The following ARHGAP39 variants were observed in gnomAD, a reference collection of about 807,000 sequenced individuals.
ARHGAP39 encodes rho GTPase-activating protein 39.
Under a neutral mutation model 106.9 loss-of-function variants are expected in ARHGAP39, and 44 were observed. The observed-to-expected ratio is 0.41, with a 90% CI of 0.32 to 0.53. The LOEUF is 0.53. Among genes scored for constraint, ARHGAP39 ranks in the 20% least tolerant of loss-of-function variants. The probability of loss-of-function intolerance (pLI) is 0.21; values close to 1 mark genes in which losing one functional copy is unlikely to be tolerated. For synonymous variants in ARHGAP39, 768 were observed against 693.2 expected (o/e 1.11, Z -1.69); for missense variants, 1,496 against 1,577.3 (o/e 0.95, Z 0.87).
intron 5 of ARHGAP39, 96 bp from the exon 6 acceptor site, chr8:144,545,906 C>T: frequency 9.2e-7 from 1 of 1,092,356 alleles, no homozygotes; most frequent in East Asian, 2.6e-5. Context: ...GAGCTGGGGC[C>T]CCACCAGAGC....
rs1822345958 is a variant in ARHGAP39, at chr8:144,679,813, T to C, written c.-82+5873A>G. The stretch of plus-strand genomic sequence containing the variant: ...GGCTAACACAGTGAAACCCCGTGTC[T>C]ACTAAAAACACAAAAAATTAGCCGG... On this transcript the variant is annotated intron_variant, in intron 1 of 11. Coordinates refer to ENST00000377307, the MANE Select transcript of ARHGAP39 (RefSeq NM_025251.3). The surrounding 1 kb of genome is among the most constrained non-coding windows in gnomAD (Gnocchi z 4.7). Among the ~76,000 whole-genome samples the C allele has an allele frequency of 6.6e-6, 1 of 152,072 alleles. No individual in the cohort carries two copies. The highest frequency in any genetic ancestry group is 2.1e-4 in the South Asian group (1 of 4,822).
intron 1 of ARHGAP39, among the ~76,000 whole-genome samples, chr8:144,623,523 C>T (rs1171412809): frequency 6.6e-6 from 1 of 152,234 alleles, no homozygotes. Context: ...GGATACAAGG[C>T]TTCCGCGACT....
Position 144,645,870 on chromosome 8 carries a change from G to A in ARHGAP39, c.-82+39816C>T, listed in dbSNP as rs1821432043. Among the ~76,000 whole-genome samples, 1 of 152,236 alleles carries A rather than the reference G, an allele frequency of 6.6e-6. No homozygotes were observed. The highest frequency in any genetic ancestry group is 2.1e-4 in the South Asian group (1 of 4,830). On this transcript the variant is annotated intron_variant, in intron 1 of 11. Transcript: ENST00000377307. The surrounding 1 kb of genome is among the most constrained non-coding windows in gnomAD (Gnocchi z 4.4). Reference sequence around the variant, plus strand: ...AGCAGGGAGGACAGAGACACCTGCAGATGCTCCCGGATGGAGCTGGCCTTG... The same window carrying A: ...AGCAGGGAGGACAGAGACACCTGCAAATGCTCCCGGATGGAGCTGGCCTTG...
intron 6 of ARHGAP39, among the ~76,000 whole-genome samples, chr8:144,538,447 TG>T (rs1817053841): frequency 6.6e-6 from 1 of 152,090 alleles, no homozygotes; most frequent in Non-Finnish European, 1.5e-5. Flanking sequence ...ACCTGAGGGG[TG>T]GAGTTAGGCT....
chr8:144,673,173 T>C (rs572055201), intron 1 of ARHGAP39, among the ~76,000 whole-genome samples: 3 of 150,740 alleles, frequency 2.0e-5, no homozygotes, highest in East Asian at 3.9e-4. Context: ...GCAGATATCA[T>C]GCCACTGCCC....
At chr8:144,572,497 C>T (rs1330886991) in intron 3 of ARHGAP39, among the ~76,000 whole-genome samples, 1 of 152,068 alleles carries the variant, frequency 6.6e-6, no homozygotes, top group Non-Finnish European at 1.5e-5. Context: ...TAAAGACTTA[C>T]ATATTAGACC....
the ARHGAP39 span, among the ~76,000 whole-genome samples, chr8:144,696,435 GCCGTGCCC>G: frequency 2.0e-5 from 3 of 152,144 alleles, no homozygotes; most frequent in African/African-American, 7.2e-5. Context: ...ACCGCACCTG[GCCGTGCCC>G]CAGTTAAAAT....
intron 1 of ARHGAP39, among the ~76,000 whole-genome samples, chr8:144,627,750 CCT>C (rs1820962557): frequency 6.6e-6 from 1 of 152,018 alleles, no homozygotes. Flanking sequence ...AGAGCAAGAC[CCT>C]GTCTCAAAAA....
At chr8:144,605,921 A>C (rs936405899) in intron 1 of ARHGAP39, 5 of 413,748 alleles carry the variant, frequency 1.2e-5, no homozygotes, top group African/African-American at 1.0e-4. Flanking sequence ...GGCTGTGCCC[A>C]CCAGCCAGGA....
At chr8:144,638,599 T>G (rs181387750) in intron 1 of ARHGAP39, among the ~76,000 whole-genome samples, 1 of 152,382 alleles carries the variant, frequency 6.6e-6, no homozygotes, top group Admixed American at 6.5e-5. Flanking sequence ...TTCACAAAGT[T>G]TCTCTCAACT....
At chr8:144,682,373 C>A (rs1295179728) in intron 1 of ARHGAP39, among the ~76,000 whole-genome samples, 1 of 150,604 alleles carries the variant, frequency 6.6e-6, no homozygotes, top group African/African-American at 2.4e-5. Context: ...CATGGTGAAA[C>A]CCTGTTTCTA....
chr8:144,565,218 C>CA (rs1479963039), intron 3 of ARHGAP39, among the ~76,000 whole-genome samples: 1 of 152,040 alleles, frequency 6.6e-6, no homozygotes, highest in African/African-American at 2.4e-5. Flanking sequence ...GTTGAGGCTG[C>CA]AGTGAGCCGA....
intron 3 of ARHGAP39, among the ~76,000 whole-genome samples, chr8:144,579,063 G>T (rs1440375308): frequency 6.6e-6 from 1 of 151,764 alleles, no homozygotes; most frequent in Non-Finnish European, 1.5e-5. Context: ...TTAGCTGGGC[G>T]TGGTGGCAGG....
chr8:144,697,397 T>G, the ARHGAP39 span, among the ~76,000 whole-genome samples: 1 of 152,192 alleles, frequency 6.6e-6, no homozygotes, highest in African/African-American at 2.4e-5. Context: ...GTTAATAATT[T>G]TTACCATATT....
chr8:144,552,311 C>T (rs980667552), intron 4 of ARHGAP39, among the ~76,000 whole-genome samples: 15 of 152,234 alleles, frequency 9.9e-5, no homozygotes, highest in African/African-American at 3.6e-4. Flanking sequence ...GCCAGAAGCG[C>T]GTCCCTGCTG....
chr8:144,648,419 G>T (rs748490150), intron 1 of ARHGAP39, among the ~76,000 whole-genome samples: 1 of 152,232 alleles, frequency 6.6e-6, no homozygotes, highest in Admixed American at 6.5e-5. Context: ...GGAAACAAGA[G>T]CTGAAGTTGT....
intron 1 of ARHGAP39, among the ~76,000 whole-genome samples, chr8:144,655,611 C>T (rs1821674616): frequency 1.3e-5 from 2 of 152,230 alleles, no homozygotes; most frequent in Admixed American, 6.5e-5. Context: ...GCAGAGACGA[C>T]AGGACGACCT....
rs982551002 is a variant in ARHGAP39, at chr8:144,547,413, C to A, written c.1673G>T (p.Arg558Leu). 1 of 1,590,614 alleles carries A rather than the reference C, an allele frequency of 6.3e-7. No homozygotes were observed. Among genetic ancestry groups the A allele is most frequent in the Non-Finnish European group, 8.5e-7 (1 of 1,175,504 alleles). The stretch of plus-strand genomic sequence containing the variant: ...GGCCTGCTGCGCCTCCCAGGCCAGC[C>A]GAGCCTGCGCCAGGAAGGGCTCGGC... Reference protein sequence around the residue: ...GAAEPFLAQARLAWEAQQAHF... With the variant: ...GAAEPFLAQALLAWEAQQAHF... Residue 558 changes from arginine to leucine, a missense_variant, in exon 5 of 12, where the codon CGG (arginine) becomes CTG (leucine). By Grantham distance (102) the Arg-to-Leu change is moderately radical (BLOSUM62 -2). Transcript: ENST00000377307. This position sits in a 1 kb window ranked among gnomAD's most constrained non-coding sequence, Gnocchi z 5.2.
intron 4 of ARHGAP39, among the ~76,000 whole-genome samples, chr8:144,550,806 AGGGCCAGC>A (rs1817662121): frequency 6.6e-6 from 1 of 152,160 alleles, no homozygotes; most frequent in South Asian, 2.1e-4. Flanking sequence ...TCAAACCCTG[AGGGCCAGC>A]TGTGGGGTCA....
Sources: allele counts gnomAD v4.1 joint callset (sites outside exome capture counted in the v4.1 genomes callset), GRCh38; gene constraint gnomAD v4.1.1; non-coding constraint Gnocchi (gnomAD v3.1); transcripts MANE v1.5; gene names NCBI Gene and HGNC (gene_info 2026-07-23, HGNC 2026-07-21).